The following PARD3 variants were observed in gnomAD, a reference collection of about 807,000 sequenced individuals.
The protein encoded by PARD3 is par-3 family cell polarity regulator.
A neutral mutation model predicts 155.4 loss-of-function variants in PARD3; 75 were observed. That is an observed-to-expected ratio of 0.48 (90% CI 0.40 to 0.58). The LOEUF (loss-of-function observed/expected upper bound fraction) is 0.58. PARD3 is among the 20% of genes least tolerant of loss of function. PARD3 has a pLI of 0.00. For missense variants in PARD3, 1,642 were observed against 1,721.7 expected, an observed-to-expected ratio of 0.95 and a Z score of 0.82; for synonymous variants, 576 against 610.5, an observed-to-expected ratio of 0.94 and a Z score of 0.83.
intron 2 of PARD3, among the ~76,000 whole-genome samples, chr10:34,538,833 C>T (rs1011161151): frequency 2.6e-5 from 4 of 152,228 alleles, no homozygotes; most frequent in African/African-American, 9.6e-5. Flanking sequence ...AGTTTCTTCT[C>T]CTTCTCATTG....
At chr10:34,234,275 C>T (rs996576894) in intron 22 of PARD3, among the ~76,000 whole-genome samples, 2 of 151,440 alleles carry the variant, frequency 1.3e-5, no homozygotes, top group African/African-American at 4.9e-5. Flanking sequence ...AATCAGTTTC[C>T]CTCATAAAAA....
chr10:34,529,739 T>A (rs1179654180), intron 2 of PARD3, among the ~76,000 whole-genome samples: 1 of 137,290 alleles, frequency 7.3e-6, no homozygotes, highest in African/African-American at 2.5e-5. Context: ...TTTTTTACTT[T>A]ACTTTTTTTT....
chr10:34,247,015 A>G (rs1953997295), intron 22 of PARD3, among the ~76,000 whole-genome samples: 1 of 152,010 alleles, frequency 6.6e-6, no homozygotes, highest in Non-Finnish European at 1.5e-5. Flanking sequence ...GGAGCCCAAG[A>G]GTGTGAGGCT....
At position 34,269,800 on chromosome 10, in the gene PARD3, C is replaced by T; in HGVS notation, c.3276G>A (p.Glu1092=). 1 of 1,614,060 alleles carries T rather than the reference C, an allele frequency of 6.2e-7. No individual in the cohort carries two copies. The highest frequency in any genetic ancestry group is 8.5e-7 in the Non-Finnish European group (1 of 1,179,978). The part of the protein sequence containing the change: ...DFHRTFGCDD[E]LMYGGVSSYE... Reference sequence around the variant, plus strand: ...AAGAAGAAACTCCCCCATACATTAACTCATCATCACAGCCAAATGTCCGAT... The same window carrying T: ...AAGAAGAAACTCCCCCATACATTAATTCATCATCACAGCCAAATGTCCGAT... Residue 1092 remains glutamate (E), a synonymous_variant, in exon 22 of 25, where the codon GAG becomes GAA. Coordinates refer to ENST00000374788, the MANE Select transcript of PARD3 (RefSeq NM_001184785.2).
intron 22 of PARD3, among the ~76,000 whole-genome samples, chr10:34,233,230 T>C (rs975711201): frequency 1.3e-5 from 2 of 151,898 alleles, no homozygotes; most frequent in African/African-American, 4.8e-5. Context: ...AAGCATCTCT[T>C]AGGTCCGCTA....
intron 3 of PARD3, among the ~76,000 whole-genome samples, chr10:34,490,281 G>A (rs2079806736): frequency 6.6e-6 from 1 of 152,138 alleles, no homozygotes; most frequent in Non-Finnish European, 1.5e-5. Flanking sequence ...AATGAAATAA[G>A]TTCCCTTTAG....
intron 22 of PARD3, among the ~76,000 whole-genome samples, chr10:34,232,250 TC>T (rs1261455076): frequency 6.6e-6 from 1 of 152,090 alleles, no homozygotes; most frequent in Non-Finnish European, 1.5e-5. Context: ...AAATGTTTCT[TC>T]CAAGGACTCC....
intron 1 of PARD3, among the ~76,000 whole-genome samples, chr10:34,726,007 T>C (rs1299493401): frequency 1.3e-5 from 2 of 152,212 alleles, no homozygotes; most frequent in Non-Finnish European, 2.9e-5. Flanking sequence ...TAAAGTTCTT[T>C]CCAGACTTAA....
At chr10:34,758,115 G>T (rs1033370248) in intron 1 of PARD3, among the ~76,000 whole-genome samples, 1 of 152,168 alleles carries the variant, frequency 6.6e-6, no homozygotes, top group Admixed American at 6.5e-5. Context: ...GCTAGAAAAT[G>T]CTATAATTAT....
chr10:34,618,308 G>A (rs374840653), intron 2 of PARD3, among the ~76,000 whole-genome samples: 1 of 152,150 alleles, frequency 6.6e-6, no homozygotes, highest in African/African-American at 2.4e-5. Flanking sequence ...AAGTCTCCAA[G>A]CTCCTTAGAA....
At chr10:34,483,481 CCAAAAAAAAAAAAAAAA>C (rs1363523818) in intron 3 of PARD3, among the ~76,000 whole-genome samples, 1 of 98,060 alleles carries the variant, frequency 1.0e-5, no homozygotes, top group Non-Finnish European at 1.8e-5. Flanking sequence ...GACTCTGTCA[CCAAAAAAAAAAAAAAAA>C]AGAGAGAGAA....
At chr10:34,422,184 T>A (rs982508700) in intron 5 of PARD3, among the ~76,000 whole-genome samples, 8 of 150,706 alleles carry the variant, frequency 5.3e-5, no homozygotes, top group African/African-American at 2.0e-4. Flanking sequence ...ATTTTAAAGT[T>A]AGAAAGGCTG....
At chr10:34,343,944 A>C (rs1444467903) in intron 15 of PARD3, 1 of 981,908 alleles carries the variant, frequency 1.0e-6, no homozygotes, top group African/African-American at 1.7e-5. Context: ...TACTAGAGGA[A>C]AACTGTGCCA....
At chr10:34,728,774 A>T (rs541900458) in intron 1 of PARD3, among the ~76,000 whole-genome samples, 1 of 152,332 alleles carries the variant, frequency 6.6e-6, no homozygotes, top group East Asian at 1.9e-4. Context: ...GAGGTACATT[A>T]GTTTTTTAAA....
chr10:34,605,246 G>A (rs1331674141), intron 2 of PARD3, among the ~76,000 whole-genome samples: 2 of 127,438 alleles, frequency 1.6e-5, no homozygotes, highest in Non-Finnish European at 3.1e-5. Context: ...AGGCTGGAGT[G>A]CAGTGGTGCA....
At chr10:34,654,166 A>C (rs1339553840) in intron 2 of PARD3, among the ~76,000 whole-genome samples, 1 of 151,278 alleles carries the variant, frequency 6.6e-6, no homozygotes, top group African/African-American at 2.5e-5. Context: ...TGCCAGTAAA[A>C]CTGTAAAAAA....
rs1956376957 is a variant in PARD3, at chr10:34,286,116, G to A, written c.3066-1871C>T. 2.6e-5 allele frequency among the ~76,000 whole-genome samples: 4 copies of A among 152,212 alleles called. No individual in the cohort carries two copies. The South Asian group carries it at 8.3e-4, about 32-fold the overall frequency. ...CTATTTTTGTCAATATATCAATAATGCCTCAGAATTACACATAATGATGGG... is the reference window on the plus strand; with the variant it reads ...CTATTTTTGTCAATATATCAATAATACCTCAGAATTACACATAATGATGGG... On this transcript the variant is annotated intron_variant, in intron 20 of 24. Coordinates refer to ENST00000374788, the MANE Select transcript of PARD3 (RefSeq NM_001184785.2).
intron 1 of PARD3, among the ~76,000 whole-genome samples, chr10:34,708,356 T>C (rs1394890689): frequency 1.3e-5 from 2 of 151,890 alleles, no homozygotes; most frequent in Non-Finnish European, 2.9e-5. Flanking sequence ...AAAAGTACTA[T>C]GAAAAAGGAA....
chr10:34,449,211 C>G (rs1365816075), intron 5 of PARD3, among the ~76,000 whole-genome samples: 4 of 151,870 alleles, frequency 2.6e-5, no homozygotes, highest in Non-Finnish European at 5.9e-5. Context: ...GCCACCGCAC[C>G]CGGCAGATAA....
Sources: allele counts gnomAD v4.1 joint callset (sites outside exome capture counted in the v4.1 genomes callset), GRCh38; gene constraint gnomAD v4.1.1; transcripts MANE v1.5; gene names NCBI Gene and HGNC (gene_info 2026-07-23, HGNC 2026-07-21).